The following GPR39 variants were observed in gnomAD, a reference collection of about 807,000 sequenced individuals.
The protein encoded by GPR39 is zinc sensing receptor.
In GPR39, 23 loss-of-function variants were observed where a neutral mutation model predicts 18.4. The ratio of observed to expected loss-of-function variants is 1.25; its 90% CI spans 0.90 to 1.77. The LOEUF is 1.77. Ranked by LOEUF, GPR39 falls within the 40% of genes most tolerant of loss-of-function variation. The probability of loss-of-function intolerance (pLI) is 0.00; values close to 1 mark genes in which losing one functional copy is unlikely to be tolerated. For missense variants in GPR39, 647 were observed against 602.4 expected (o/e 1.07, Z -0.78); for synonymous variants, 280 against 257.9 (o/e 1.09, Z -0.82).
intron 1 of GPR39, among the ~76,000 whole-genome samples, chr2:132,635,891 C>T (rs748247623): frequency 1.2e-4 from 18 of 152,132 alleles, no homozygotes; most frequent in Non-Finnish European, 2.5e-4. Context: ...TCTGCCATGT[C>T]GGAGAATGCA....
intron 1 of GPR39, among the ~76,000 whole-genome samples, chr2:132,441,581 C>T (rs1260760209): frequency 1.3e-5 from 2 of 152,206 alleles, no homozygotes; most frequent in South Asian, 2.1e-4. Context: ...GGGCCCCAGG[C>T]AGGGCCCTAA....
rs553077693 is a variant in GPR39 at position 132,645,256 on chromosome 2, G to A, written c.1012G>A (p.Val338Ile). The A allele has an allele frequency of 6.2e-7, 1 of 1,613,710 alleles. No individual in the cohort carries two copies. Among genetic ancestry groups the A allele is most frequent in the East Asian group, 2.2e-5 (1 of 44,880 alleles). Residue 338 changes from valine to isoleucine, a missense_variant, in exon 2 of 2, where the codon GTC becomes ATC. By Grantham distance (29) the Val-to-Ile change is conservative. Transcript: ENST00000329321. ...FSETFFYLSS[V>I]INPLLYTVSS... ...GGAGACGTTTTTCTACCTCAGCTCGGTCATCAACCCGCTCCTGTACACGGT... is the reference window on the plus strand; with the variant it reads ...GGAGACGTTTTTCTACCTCAGCTCGATCATCAACCCGCTCCTGTACACGGT...
rs1682094667 is a variant in GPR39, at chr2:132,646,553, AG to A, written c.*948del. 1.2e-5 allele frequency: 4 copies of A among 340,542 alleles called. No individual in the cohort carries two copies. Among genetic ancestry groups the A allele is most frequent in the Non-Finnish European group, 2.1e-5 (4 of 190,138 alleles). The allele number at this position is 340,542 out of a possible 1,614,324, so 21.1% of individuals were successfully genotyped here. ...ACCTGTTAATAAAGAGCTGTTAAAT[AG>A]ACTTATTTACATTTTAAGTCAGAGT... is the stretch of plus-strand genomic sequence containing the variant. On this transcript the variant is annotated 3_prime_UTR_variant, in exon 2 of 2. Transcript: ENST00000329321.
At chr2:132,621,315 C>T (rs1475596248) in intron 1 of GPR39, among the ~76,000 whole-genome samples, 4 of 152,174 alleles carry the variant, frequency 2.6e-5, no homozygotes, top group African/African-American at 7.2e-5. Flanking sequence ...CAAGTTAACA[C>T]GGAAATGCAA....
Position 132,601,479 on chromosome 2 carries a change from C to T in GPR39, c.857-43622C>T, listed in dbSNP as rs185413341. On this transcript the variant is annotated intron_variant, in intron 1 of 1. Transcript: ENST00000329321. ...AAACATACCTCAACATAATAAAAGC[C>T]ATATATGACAGTCCCACCGCATATA... 1.4e-4 allele frequency among the ~76,000 whole-genome samples: 21 copies of T among 152,090 alleles called. 1 individual carries two copies. The highest frequency in any genetic ancestry group is 4.6e-4 in the African/African-American group (19 of 41,506).
At chr2:132,619,762 C>T (rs1451347128) in intron 1 of GPR39, among the ~76,000 whole-genome samples, 1 of 151,936 alleles carries the variant, frequency 6.6e-6, no homozygotes, top group Non-Finnish European at 1.5e-5. Flanking sequence ...ATACTCTCAT[C>T]AGTCCTTGGG....
intron 1 of GPR39, among the ~76,000 whole-genome samples, chr2:132,592,593 G>A (rs1414991818): frequency 2.0e-5 from 3 of 152,194 alleles, no homozygotes; most frequent in African/African-American, 7.2e-5. Context: ...GATCTGATCT[G>A]ACTGAGCCTT....
At position 132,418,010 on chromosome 2, in the gene GPR39, T is replaced by G. The variant is rs1679943363; in HGVS notation, c.856+112T>G. The G allele has an allele frequency of 2.3e-6, 3 of 1,310,418 alleles. No individual in the cohort carries two copies. The African/African-American group carries it at 4.4e-5, about 19-fold the overall frequency. The allele number at this position is 1,310,418 out of a possible 1,614,324, so 81.2% of individuals were successfully genotyped here. A position where few individuals can be genotyped will look rare whatever the true frequency, so the allele number is the denominator to read the frequency against. ...AAGTCTTGCCCTAGAATTGCACACT[T>G]AAGTTTACTAAGGTGGAAGAGTCTT... On this transcript the variant is annotated intron_variant, in intron 1 of 1. Coordinates refer to ENST00000329321, the MANE Select transcript of GPR39 (RefSeq NM_001508.3).
intron 1 of GPR39, among the ~76,000 whole-genome samples, chr2:132,442,748 G>A (rs1680463044): frequency 6.6e-6 from 1 of 152,174 alleles, no homozygotes; most frequent in African/African-American, 2.4e-5. Context: ...AGTACTGAGT[G>A]CCCATTTCCT....
rs146272935 is a variant in GPR39 at position 132,417,169 on chromosome 2, A to T, written c.127A>T (p.Met43Leu). 1.1e-4 allele frequency: 178 copies of T among 1,614,086 alleles called. No homozygotes were observed. The African/African-American group carries it at 2.1e-3, about 19-fold the overall frequency. ...LILVYLIIFV[M>L]GLLGNSATIR... ...TCTGGTGTACCTGATCATCTTCGTG[A>T]TGGGCCTTCTGGGGAACAGCGCCAC... The change falls in exon 1 of 2, where the codon ATG becomes TTG. Residue 43 changes from methionine to leucine, a missense_variant. Coordinates refer to ENST00000329321, the MANE Select transcript of GPR39 (RefSeq NM_001508.3).
intron 1 of GPR39, among the ~76,000 whole-genome samples, chr2:132,498,581 G>T (rs11690542): frequency 0.53 from 80,237 of 151,964 alleles, 21,870 homozygotes; most frequent in East Asian, 0.96. Context: ...TTCCTCTGGG[G>T]AGATACATAG....
At chr2:132,513,771 G>T (rs906000506) in intron 1 of GPR39, among the ~76,000 whole-genome samples, 8 of 152,160 alleles carry the variant, frequency 5.3e-5, no homozygotes, top group Non-Finnish European at 1.2e-4. Context: ...GAGTGCAGTG[G>T]TGCATTCACA....
chr2:132,576,728 T>G (rs1460465414), intron 1 of GPR39, among the ~76,000 whole-genome samples: 1 of 152,160 alleles, frequency 6.6e-6, no homozygotes, highest in African/African-American at 2.4e-5. Context: ...TTCTAAAATT[T>G]TACAGAAATT....
chr2:132,541,272 C>G (rs1573656238), intron 1 of GPR39, among the ~76,000 whole-genome samples: 1 of 152,004 alleles, frequency 6.6e-6, no homozygotes, highest in East Asian at 1.9e-4. Flanking sequence ...TTAGTAGAGA[C>G]AGGATTTCGC....
At chr2:132,557,056 C>A (rs376268306) in intron 1 of GPR39, among the ~76,000 whole-genome samples, 90 of 145,426 alleles carry the variant, frequency 6.2e-4, no homozygotes, top group African/African-American at 2.3e-3. Flanking sequence ...TGGCTCATGC[C>A]TGTAATCCTG....
In GPR39 at chr2:132,417,422, T is replaced by C; in HGVS notation, c.380T>C (p.Leu127Pro). 6.2e-7 allele frequency: 1 copy of C among 1,614,218 alleles called. No homozygotes were observed. ...AGCTACGCTACGCTGCTGCACGTGC[T>C]GACACTCAGCTTTGAGCGCTACATC... ...ACSYATLLHV[L>P]TLSFERYIAI... Residue 127 changes from leucine (L) to proline (P), a missense_variant, in exon 1 of 2, where the codon CTG becomes CCG. This residue lies in a region of GPR39 where 581 missense variants were observed against 506.8 expected (regional missense o/e 1.15). Coordinates refer to ENST00000329321, the MANE Select transcript of GPR39 (RefSeq NM_001508.3).
chr2:132,543,117 G>T (rs1215504842), intron 1 of GPR39, among the ~76,000 whole-genome samples: 1 of 152,160 alleles, frequency 6.6e-6, no homozygotes, highest in East Asian at 1.9e-4. Context: ...GAAGAATTAG[G>T]CAAGTGGACA....
In GPR39 at chr2:132,644,633, T is replaced by G. The variant is rs576885689; in HGVS notation, c.857-468T>G. On this transcript the variant is annotated intron_variant, in intron 1 of 1. Transcript: ENST00000329321. ...TGTTGCCAAAGGGACACTTCTTCCA[T>G]TTGATTTAAAAATATCACTAGGTCT... 3.3e-5 allele frequency among the ~76,000 whole-genome samples: 5 copies of G among 152,366 alleles called. No individual in the cohort carries two copies. The East Asian group carries it at 9.6e-4, about 29-fold the overall frequency.
chr2:132,645,248 T>C lies in GPR39; in HGVS notation c.1004T>C (p.Leu335Pro). ...CCCTTCTCGGAGACGTTTTTCTACCTCAGCTCGGTCATCAACCCGCTCCTG... is the reference window on the plus strand; with the variant it reads ...CCCTTCTCGGAGACGTTTTTCTACCCCAGCTCGGTCATCAACCCGCTCCTG... ...LLPFSETFFYLSSVINPLLYT... is the reference protein window; with the variant it reads ...LLPFSETFFYPSSVINPLLYT... The change falls in exon 2 of 2, where the codon CTC (leucine) becomes CCC (proline). Residue 335 changes from leucine (L) to proline (P), a missense_variant. Physicochemically the swap from Leu to Pro is moderately conservative, Grantham distance 98. This residue lies in a region of GPR39 where 581 missense variants were observed against 506.8 expected (regional missense o/e 1.15). Coordinates refer to ENST00000329321, the MANE Select transcript of GPR39 (RefSeq NM_001508.3). 1.2e-6 allele frequency: 2 copies of C among 1,614,132 alleles called. No individual in the cohort carries two copies. Among genetic ancestry groups the C allele is most frequent in the Non-Finnish European group, 8.5e-7 (1 of 1,180,010 alleles).
Sources: gnomAD v4.1 joint callset for allele counts (sites outside exome capture counted in the v4.1 genomes callset) on GRCh38, gnomAD v4.1.1 for gene constraint, gnomAD v4.1.1 regional missense constraint, MANE v1.5 for transcripts, NCBI Gene and HGNC (gene_info 2026-07-23, HGNC 2026-07-21) for gene names.